CLSTN2: variants seen among roughly 807,000 people sequenced by gnomAD.
CLSTN2 encodes calsyntenin 2.
A neutral mutation model predicts 101.2 loss-of-function variants in CLSTN2; 48 were observed. The observed-to-expected ratio is 0.47, with a 90% CI of 0.38 to 0.60. The LOEUF is 0.60. Among genes scored for constraint, CLSTN2 ranks in the 20% least tolerant of loss-of-function variants. The pLI is 0.00. For synonymous variants in CLSTN2, 481 were observed against 463.6 expected, an observed-to-expected ratio of 1.04 and a Z score of -0.48; for missense variants, 1,160 against 1,238.2, an observed-to-expected ratio of 0.94 and a Z score of 0.95.
At chr3:140,058,777 T>C (rs1466050637) in intron 1 of CLSTN2, among the ~76,000 whole-genome samples, 2 of 131,054 alleles carry the variant, frequency 1.5e-5, no homozygotes, top group Non-Finnish European at 3.2e-5. Flanking sequence ...TTGGGACCCA[T>C]GACAAAAAAA....
intron 1 of CLSTN2, among the ~76,000 whole-genome samples, chr3:140,094,379 A>G (rs1004377523): frequency 6.6e-6 from 1 of 152,176 alleles, no homozygotes; most frequent in African/African-American, 2.4e-5. Context: ...CAAATTCTAT[A>G]AAATCTATGA....
chr3:140,182,226 A>G lies in CLSTN2; in HGVS notation c.232+6153A>G, dbSNP rs571145136. ...TTTTATTTAGGTTATTCTCTATTCA[A>G]GGCAAGGATTGCTGGCTTTTCATTT... On this transcript the variant is annotated intron_variant, in intron 2 of 16. Coordinates refer to ENST00000458420, the MANE Select transcript of CLSTN2 (RefSeq NM_022131.3). 2.0e-5 allele frequency among the ~76,000 whole-genome samples: 3 copies of G among 152,354 alleles called. No homozygotes were observed. The South Asian group carries it at 6.2e-4, about 32-fold the overall frequency.
intron 10 of CLSTN2, 101 bp from the exon 11 acceptor site, chr3:140,556,412 T>C (rs1248075428): frequency 8.9e-7 from 1 of 1,124,350 alleles, no homozygotes; most frequent in Admixed American, 1.8e-5. Flanking sequence ...CTAGAGGTGT[T>C]TATGGTGACC....
rs771791174 is a variant in CLSTN2, at chr3:140,403,840, G to A, written c.428+16G>A. On this transcript the variant is annotated intron_variant, in intron 3 of 16. Transcript: ENST00000458420. ...AGTCACACAAGTGAGTGGCCTGACA[G>A]AGCCCTCTGGACGCCCCTCCCTCCC... 1.1e-5 allele frequency: 18 copies of A among 1,595,290 alleles called. No homozygotes were observed. The highest frequency in any genetic ancestry group is 1.5e-5 in the Non-Finnish European group (18 of 1,168,806).
intron 1 of CLSTN2, among the ~76,000 whole-genome samples, chr3:140,082,251 T>C (rs1156548772): frequency 6.6e-6 from 1 of 152,246 alleles, no homozygotes; most frequent in Admixed American, 6.5e-5. Context: ...TGGGGGCTCT[T>C]CTCCTGTGGC....
In CLSTN2 at chr3:140,221,092, G is replaced by C. The variant is rs907995853; in HGVS notation, c.232+45019G>C. Among the ~76,000 whole-genome samples, 3 of 152,164 alleles carry C rather than the reference G, an allele frequency of 2.0e-5. No individual in the cohort carries two copies. The South Asian group carries it at 6.2e-4, about 32-fold the overall frequency. ...TTCTGGTTATTATTTTTTAGTCACT[G>C]TACAGTCAGCCAGGAGCAAAGCTCA... On this transcript the variant is annotated intron_variant, in intron 2 of 16. Coordinates refer to ENST00000458420, the MANE Select transcript of CLSTN2 (RefSeq NM_022131.3).
chr3:140,037,719 C>T (rs1326416048), intron 1 of CLSTN2, among the ~76,000 whole-genome samples: 1 of 152,100 alleles, frequency 6.6e-6, no homozygotes, highest in Non-Finnish European at 1.5e-5. Flanking sequence ...ACTGACTGGC[C>T]TCAATGTGTG....
At chr3:140,416,895 A>G (rs1351140648) in intron 4 of CLSTN2, among the ~76,000 whole-genome samples, 4 of 152,236 alleles carry the variant, frequency 2.6e-5, no homozygotes, top group African/African-American at 4.8e-5. Context: ...GCCCTAGTGA[A>G]TAACAGGATT....
intron 1 of CLSTN2, among the ~76,000 whole-genome samples, chr3:140,172,349 C>T (rs2010252073): frequency 6.6e-6 from 1 of 152,040 alleles, no homozygotes; most frequent in Admixed American, 6.6e-5. Flanking sequence ...GGCAAGATTT[C>T]CAATGGAGAG....
chr3:140,548,374 G>C (rs1342704764), intron 10 of CLSTN2, among the ~76,000 whole-genome samples: 1 of 152,170 alleles, frequency 6.6e-6, no homozygotes, highest in Non-Finnish European at 1.5e-5. Flanking sequence ...TTGATTCCCA[G>C]AACACTTGTA....
At chr3:140,166,660 G>A (rs1180553097) in intron 1 of CLSTN2, among the ~76,000 whole-genome samples, 1 of 152,140 alleles carries the variant, frequency 6.6e-6, no homozygotes, top group Non-Finnish European at 1.5e-5. Flanking sequence ...CCTGAGGAAT[G>A]CATCTGTGCT....
At chr3:140,464,229 G>C (rs1053420098) in intron 7 of CLSTN2, among the ~76,000 whole-genome samples, 1 of 152,176 alleles carries the variant, frequency 6.6e-6, no homozygotes, top group East Asian at 1.9e-4. Context: ...CGTAGAACAA[G>C]AAGAATGAAA....
At chr3:140,320,175 C>T (rs545083892) in intron 2 of CLSTN2, among the ~76,000 whole-genome samples, 15 of 152,286 alleles carry the variant, frequency 9.8e-5, no homozygotes, top group East Asian at 7.7e-4. Flanking sequence ...GCAAGCCAGC[C>T]GTGAGACCTA....
intron 1 of CLSTN2, among the ~76,000 whole-genome samples, chr3:140,139,383 A>C (rs2009662542): frequency 6.6e-6 from 1 of 152,220 alleles, no homozygotes; most frequent in Non-Finnish European, 1.5e-5. Flanking sequence ...ACACCTCTGC[A>C]ATGAGAATGG....
intron 8 of CLSTN2, chr3:140,506,817 G>A (rs1349424965): frequency 6.6e-6 from 1 of 152,034 alleles, no homozygotes; most frequent in Non-Finnish European, 1.5e-5. Context: ...AAATCATGAT[G>A]GATTGGAAAG....
chr3:139,976,092 T>C (rs1297175747), intron 1 of CLSTN2, among the ~76,000 whole-genome samples: 1 of 152,206 alleles, frequency 6.6e-6, no homozygotes, highest in Non-Finnish European at 1.5e-5. Flanking sequence ...ATGCAGAACA[T>C]TGACATTTCA....
chr3:140,527,445 A>T (rs1044631772), intron 8 of CLSTN2, among the ~76,000 whole-genome samples: 1 of 152,136 alleles, frequency 6.6e-6, no homozygotes, highest in African/African-American at 2.4e-5. Flanking sequence ...TGGCAAGGCT[A>T]TGGAGAGAAA....
intron 2 of CLSTN2, among the ~76,000 whole-genome samples, chr3:140,400,152 G>A (rs2088224064): frequency 6.6e-6 from 1 of 152,140 alleles, no homozygotes; most frequent in South Asian, 2.1e-4. Flanking sequence ...CTAGTTCAAA[G>A]GGGAAGTGTG....
intron 2 of CLSTN2, among the ~76,000 whole-genome samples, chr3:140,200,857 G>C (rs1052652972): frequency 2.6e-5 from 4 of 151,860 alleles, no homozygotes; most frequent in Admixed American, 2.0e-4. Context: ...TCTTGGCTCA[G>C]GTGTCACCTC....
Sources: allele counts gnomAD v4.1 joint callset (sites outside exome capture counted in the v4.1 genomes callset), GRCh38; gene constraint gnomAD v4.1.1; transcripts MANE v1.5; gene names NCBI Gene and HGNC (gene_info 2026-07-23, HGNC 2026-07-21).